The following OVCH1 variants were observed in gnomAD, a reference collection of about 807,000 sequenced individuals.
The protein encoded by OVCH1 is ovochymase-1.
Under a neutral mutation model 138.4 loss-of-function variants are expected in OVCH1, and 139 were observed. That is an observed-to-expected ratio of 1.00 (90% CI 0.87 to 1.16). The LOEUF (loss-of-function observed/expected upper bound fraction) is 1.16. Ranked by LOEUF, OVCH1 falls within the 50% of genes most tolerant of loss-of-function variation. The pLI is 0.00. For missense variants in OVCH1, 1,367 were observed against 1,357.9 expected, an observed-to-expected ratio of 1.01 and a Z score of -0.11; for synonymous variants, 453 against 467.8, an observed-to-expected ratio of 0.97 and a Z score of 0.41.
At chr12:29,447,577 G>A (rs1941653087) in intron 22 of OVCH1, among the ~76,000 whole-genome samples, 1 of 152,146 alleles carries the variant, frequency 6.6e-6, no homozygotes, top group Admixed American at 6.6e-5. Flanking sequence ...AAAGGTCTCT[G>A]CTCTCATGAA....
downstream of OVCH1, among the ~76,000 whole-genome samples, chr12:29,407,864 G>A (rs1296224057): frequency 6.6e-6 from 1 of 151,012 alleles, no homozygotes; most frequent in Non-Finnish European, 1.5e-5. Context: ...GTAGCTTGAT[G>A]GGGATGGCAT....
intron 20 of OVCH1, 119 bp from the exon 21 acceptor site, chr12:29,455,052 G>C: frequency 8.6e-7 from 1 of 1,160,914 alleles, no homozygotes; most frequent in East Asian, 2.6e-5. Context: ...GATTAAAGCA[G>C]CCTAAGGAAA....
At chr12:29,441,918 T>G (rs867300635) in intron 25 of OVCH1, among the ~76,000 whole-genome samples, 1 of 151,986 alleles carries the variant, frequency 6.6e-6, no homozygotes, top group Non-Finnish European at 1.5e-5. Context: ...AAAACCACAA[T>G]GAGATACCAT....
In OVCH1 at chr12:29,485,949, TAAATA is replaced by T. The variant is rs1262696941; in HGVS notation, c.995+292_995+296del. ...GACAGAGTGAGACTCCATCTCAAAA[TAAATA>T]AAATAAAATAAAATAAAATAAATAA... On this transcript the variant is annotated intron_variant, in intron 8 of 27. Transcript: ENST00000318184. Among the ~76,000 whole-genome samples, 1,144 of 133,426 alleles carry T rather than the reference TAAATA, an allele frequency of 8.6e-3. 20 individuals carry two copies. The highest frequency in any genetic ancestry group is 0.026 in the African/African-American group (955 of 36,400). The allele number at this position is 133,426 out of a possible 152,430, so 87.5% of individuals were successfully genotyped here.
downstream of OVCH1, among the ~76,000 whole-genome samples, chr12:29,410,605 A>AAAT (rs1192319431): frequency 8.4e-6 from 1 of 119,738 alleles, no homozygotes; most frequent in Non-Finnish European, 1.9e-5. Context: ...TCTGGGTTGA[A>AAAT]AGTTCTTTTC....
At chr12:29,468,601 AAATT>A (rs1394695711) in intron 16 of OVCH1, among the ~76,000 whole-genome samples, 2 of 152,160 alleles carry the variant, frequency 1.3e-5, no homozygotes, top group Non-Finnish European at 2.9e-5. Flanking sequence ...TAATTTTCAC[AAATT>A]AATCGGCTAC....
chr12:29,495,508 C>T, intron 3 of OVCH1, 51 bp from the exon 4 acceptor site: 1 of 1,514,300 alleles, frequency 6.6e-7, no homozygotes, highest in Non-Finnish European at 9.0e-7. Context: ...CTACGCAAGT[C>T]TTCTTGGTTT....
At chr12:29,444,052 A>G in intron 24 of OVCH1, 93 bp downstream of exon 24, 1 of 1,369,636 alleles carries the variant, frequency 7.3e-7, no homozygotes, top group African/African-American at 1.5e-5. Flanking sequence ...AAAAAGGTGA[A>G]GAATAATGTT....
chr12:29,430,216 C>T (rs1317674907), intron 27 of OVCH1, among the ~76,000 whole-genome samples: 4 of 151,792 alleles, frequency 2.6e-5, no homozygotes, highest in South Asian at 2.1e-4. Flanking sequence ...TATTTCACTT[C>T]CCCCATAACT....
chr12:29,454,522 C>G (rs1941889276), intron 21 of OVCH1, among the ~76,000 whole-genome samples: 1 of 152,110 alleles, frequency 6.6e-6, no homozygotes, highest in Non-Finnish European at 1.5e-5. Context: ...GGGTCTTTAC[C>G]TAGGCAAGAT....
At chr12:29,419,115 C>T in intron 3 of OVCH1, among the ~76,000 whole-genome samples, 1 of 152,088 alleles carries the variant, frequency 6.6e-6, no homozygotes, top group East Asian at 1.9e-4. Context: ...GTCTTCATTT[C>T]CCAAAGTGCT....
chr12:29,470,198 T>C (rs1942455381), intron 16 of OVCH1, among the ~76,000 whole-genome samples: 1 of 152,152 alleles, frequency 6.6e-6, no homozygotes, highest in African/African-American at 2.4e-5. Flanking sequence ...TTAAGAAATT[T>C]AGCATAGTAT....
intron 25 of OVCH1, among the ~76,000 whole-genome samples, chr12:29,441,710 G>A (rs1177200659): frequency 5.3e-5 from 8 of 152,072 alleles, no homozygotes; most frequent in East Asian, 1.9e-4. Flanking sequence ...GAAAATTTTC[G>A]CAACCTACTC....
At chr12:29,450,767 A>C (rs1941765570) in intron 22 of OVCH1, among the ~76,000 whole-genome samples, 1 of 152,184 alleles carries the variant, frequency 6.6e-6, no homozygotes, top group Non-Finnish European at 1.5e-5. Flanking sequence ...GAATCAACCC[A>C]AATGCCCATC....
chr12:29,483,604 C>T (rs1186287598), intron 8 of OVCH1, among the ~76,000 whole-genome samples: 1 of 152,188 alleles, frequency 6.6e-6, no homozygotes, highest in Admixed American at 6.5e-5. Flanking sequence ...TTTCTATTCT[C>T]ATCATCCACT....
chr12:29,455,212 G>T (rs1442692644), intron 20 of OVCH1, 37 bp downstream of exon 20: 1 of 1,596,196 alleles, frequency 6.3e-7, no homozygotes, highest in African/African-American at 1.3e-5. Context: ...TCTAAAGAAA[G>T]AGGTTATTGT....
chr12:29,430,888 G>A (rs1210734410), intron 27 of OVCH1: 1 of 518,322 alleles, frequency 1.9e-6, no homozygotes, highest in African/African-American at 1.9e-5. Flanking sequence ...TTCTCCATGT[G>A]GCCTTTTCCC....
intron 19 of OVCH1, among the ~76,000 whole-genome samples, chr12:29,458,160 C>G (rs1942016303): frequency 6.6e-6 from 1 of 151,888 alleles, no homozygotes; most frequent in African/African-American, 2.4e-5. Context: ...TATATGGAAC[C>G]ACAAAAGACT....
At position 29,489,711 on chromosome 12, in the gene OVCH1, C is replaced by T. The variant is rs779668172; in HGVS notation, c.611G>A (p.Cys204Tyr). Residue 204 changes from cysteine (C) to tyrosine (Y), a missense_variant, in exon 6 of 28, where the codon TGT becomes TAT. Transcript: ENST00000318184. ...GTTCATGCTCTTGAGCACAGTATTA[C>T]ACGCTCTGTCATCCATGATGGGAAG... 7.5e-6 allele frequency: 12 copies of T among 1,610,218 alleles called. No individual in the cohort carries two copies. The East Asian group carries it at 2.7e-4, about 36-fold the overall frequency.
Sources: gnomAD v4.1 joint callset for allele counts (sites outside exome capture counted in the v4.1 genomes callset) on GRCh38, gnomAD v4.1.1 for gene constraint, MANE v1.5 for transcripts, NCBI Gene and HGNC (gene_info 2026-07-23, HGNC 2026-07-21) for gene names.